The following ACSBG2 variants were observed in gnomAD, a reference collection of about 807,000 sequenced individuals.
ACSBG2 encodes the protein acyl-CoA synthetase bubblegum family member 2.
Under a neutral mutation model 74.7 loss-of-function variants are expected in ACSBG2, and 62 were observed. The ratio of observed to expected loss-of-function variants is 0.83; its 90% CI spans 0.68 to 1.03. ACSBG2 has a LOEUF of 1.03. Among genes scored for constraint, ACSBG2 ranks in the 50% least tolerant of loss-of-function variants. ACSBG2 has a pLI of 0.00. For synonymous variants in ACSBG2, 309 were observed against 294.1 expected (o/e 1.05, Z -0.52); for missense variants, 730 against 817.6 (o/e 0.89, Z 1.31).
At chr19:6,173,126 G>A (rs1015761903) in intron 7 of ACSBG2, among the ~76,000 whole-genome samples, 1 of 152,174 alleles carries the variant, frequency 6.6e-6, no homozygotes, top group Non-Finnish European at 1.5e-5. Flanking sequence ...GGGGGCTTTG[G>A]TGGGCTGCAT....
intron 3 of ACSBG2, among the ~76,000 whole-genome samples, chr19:6,149,110 A>C (rs570242462): frequency 2.0e-5 from 3 of 152,276 alleles, no homozygotes; most frequent in African/African-American, 7.2e-5. Flanking sequence ...AAAAACAAAC[A>C]AACAAACAAA....
chr19:6,156,714 T>C (rs925730679), intron 5 of ACSBG2, among the ~76,000 whole-genome samples, 163 bp downstream of exon 5: 2 of 152,170 alleles, frequency 1.3e-5, no homozygotes, highest in Non-Finnish European at 2.9e-5. Flanking sequence ...TGAAGCTATT[T>C]TTGGAGAAGC....
Position 6,168,806 on chromosome 19 carries a change from T to A in ACSBG2, c.738+2791T>A, listed in dbSNP as rs910198155. Among the ~76,000 whole-genome samples, 9 of 152,044 alleles carry A rather than the reference T, an allele frequency of 5.9e-5. 1 individual carries two copies. Among genetic ancestry groups the A allele is most frequent in the Non-Finnish European group, 1.2e-4 (8 of 68,004 alleles). ...TATTTTTATTTTTTTTGAAACAGAG[T>A]CTTGCTCTGTCATCCAGGCTGGAGT... is the stretch of plus-strand genomic sequence containing the variant. On this transcript the variant is annotated intron_variant, in intron 7 of 14. Transcript: ENST00000588485.
chr19:6,173,886 G>A (rs1034969218), intron 7 of ACSBG2, among the ~76,000 whole-genome samples: 1 of 151,804 alleles, frequency 6.6e-6, no homozygotes, highest in African/African-American at 2.4e-5. Flanking sequence ...GCAGGGTCAT[G>A]CTGTCTGTGG....
chr19:6,154,468 T>C (rs2089352734), intron 4 of ACSBG2, among the ~76,000 whole-genome samples: 1 of 147,084 alleles, frequency 6.8e-6, no homozygotes, highest in Non-Finnish European at 1.5e-5. Flanking sequence ...ATATAATACA[T>C]ATAATAAATA....
intron 10 of ACSBG2, 82 bp downstream of exon 10, chr19:6,183,354 G>A (rs941685873): frequency 8.4e-7 from 1 of 1,185,664 alleles, no homozygotes; most frequent in East Asian, 2.4e-5. Context: ...ATGGGCCTCT[G>A]GGTTAAGAGG....
At chr19:6,167,188 G>A (rs1244716182) in intron 7 of ACSBG2, among the ~76,000 whole-genome samples, 2 of 152,168 alleles carry the variant, frequency 1.3e-5, no homozygotes, top group Non-Finnish European at 2.9e-5. Context: ...CTCAGCCTAG[G>A]GTAATAGTTA....
chr19:6,138,491 A>T (rs2088669043), intron 1 of ACSBG2, among the ~76,000 whole-genome samples: 3 of 117,514 alleles, frequency 2.6e-5, no homozygotes, highest in Non-Finnish European at 5.1e-5. Flanking sequence ...GGGAAGGGGG[A>T]AGGGGGAGGG....
chr19:6,166,279 G>C lies in ACSBG2; in HGVS notation c.738+264G>C, dbSNP rs556279684. Among the ~76,000 whole-genome samples, 402 of 85,760 alleles carry C rather than the reference G, an allele frequency of 4.7e-3. 3 individuals carry two copies. Among genetic ancestry groups the C allele is most frequent in the African/African-American group, 0.027 (358 of 13,450 alleles). 56.3% of individuals were successfully genotyped at this position (85,760 alleles called of 152,430 possible). A position where few individuals can be genotyped will look rare whatever the true frequency, so the allele number is the denominator to read the frequency against. ...TGATTCCTCTGTGTGAGTCAGGAAG[G>C]TTGTGTGTGTGTGTGTGTGTGTGTG... On this transcript the variant is annotated intron_variant, in intron 7 of 14. Transcript: ENST00000588485.
At chr19:6,176,858 T>C (rs2090101732) in intron 7 of ACSBG2, among the ~76,000 whole-genome samples, 1 of 152,136 alleles carries the variant, frequency 6.6e-6, no homozygotes, top group African/African-American at 2.4e-5. Flanking sequence ...GCTAAATACA[T>C]TTAAAATCGC....
intron 4 of ACSBG2, among the ~76,000 whole-genome samples, chr19:6,154,505 ATATAT>A (rs1432234463): frequency 1.4e-5 from 2 of 147,360 alleles, no homozygotes; most frequent in African/African-American, 2.5e-5. Flanking sequence ...ATAATATATA[ATATAT>A]TATATTATCT....
intron 3 of ACSBG2, 69 bp downstream of exon 3, chr19:6,147,744 TGTG>T: frequency 6.7e-7 from 1 of 1,503,618 alleles, no homozygotes; most frequent in Non-Finnish European, 9.2e-7. Context: ...CATACATACA[TGTG>T]GTACAAAATT....
intron 4 of ACSBG2, among the ~76,000 whole-genome samples, chr19:6,153,515 A>ACAG: frequency 6.6e-6 from 1 of 151,990 alleles, no homozygotes; most frequent in African/African-American, 2.4e-5. Flanking sequence ...AACAGCAACG[A>ACAG]CAGCAGCAGC....
At chr19:6,183,553 A>G (rs1296015194) in intron 10 of ACSBG2, among the ~76,000 whole-genome samples, 1 of 152,050 alleles carries the variant, frequency 6.6e-6, no homozygotes, top group African/African-American at 2.4e-5. Flanking sequence ...TGACCTCAGC[A>G]CCTTTCATCC....
In ACSBG2 at chr19:6,146,091, T is replaced by C. The variant is rs1448397195; in HGVS notation, c.68-1355T>C. Among the ~76,000 whole-genome samples, 9 of 152,216 alleles carry C rather than the reference T, an allele frequency of 5.9e-5. No homozygotes were observed. The East Asian group carries it at 1.7e-3, about 29-fold the overall frequency. ...AAAAATCTCCGTAAATAATATTAAA[T>C]ATGTGACTCTTGTTAATGATTTACA... On this transcript the variant is annotated intron_variant, in intron 2 of 14. Transcript: ENST00000588485.
At chr19:6,137,541 C>T (rs898133414) in intron 1 of ACSBG2, 1 of 152,208 alleles carries the variant, frequency 6.6e-6, no homozygotes, top group Non-Finnish European at 1.5e-5. Flanking sequence ...GCGCTTTTAC[C>T]TGGAGGGAGG....
chr19:6,141,553 A>G lies in ACSBG2; in HGVS notation c.10A>G (p.Thr4Ala), dbSNP rs772537382. 22 of 1,611,434 alleles carry G rather than the reference A, an allele frequency of 1.4e-5. No homozygotes were observed. The highest frequency in any genetic ancestry group is 1.9e-5 in the Non-Finnish European group (22 of 1,177,648). MTG[T>A]PKTQEGAKDL... is the part of the protein sequence containing the mutation. ...TTTCTGCACACCTGGAATGACTGGA[A>G]CCCCAAAGACTCAAGAAGGAGCTAA... Residue 4 changes from threonine to alanine, a missense_variant, in exon 2 of 15, where the codon ACC becomes GCC. Thr to Ala is a moderately conservative substitution (Grantham distance 58). Transcript: ENST00000588485.
intron 10 of ACSBG2, among the ~76,000 whole-genome samples, chr19:6,184,830 ATG>A (rs1568254465): frequency 2.2e-5 from 2 of 89,680 alleles, no homozygotes; most frequent in Admixed American, 1.3e-4. Flanking sequence ...ATATGTGGAG[ATG>A]AAAAAAAAAA....
At chr19:6,140,844 C>G (rs948037091) in intron 1 of ACSBG2, among the ~76,000 whole-genome samples, 1 of 152,140 alleles carries the variant, frequency 6.6e-6, no homozygotes, top group African/African-American at 2.4e-5. Context: ...ATCATATTTT[C>G]TGTTGTATTT....
Sources: allele counts gnomAD v4.1 joint callset (sites outside exome capture counted in the v4.1 genomes callset), GRCh38; gene constraint gnomAD v4.1.1; transcripts MANE v1.5; gene names NCBI Gene and HGNC (gene_info 2026-07-23, HGNC 2026-07-21).